Variants in PRICKLE1 observed in about 807,000 individuals in gnomAD.
PRICKLE1 encodes the protein prickle planar cell polarity protein 1, also known as prickle-like protein 1.
A neutral mutation model predicts 70.2 loss-of-function variants in PRICKLE1; 14 were observed. The observed-to-expected ratio is 0.20, with a 90% CI of 0.13 to 0.31. The LOEUF is 0.31. Among genes scored for constraint, PRICKLE1 ranks in the 10% least tolerant of loss-of-function variants. The pLI is 1.00. For synonymous variants in PRICKLE1, 357 were observed against 379.9 expected (o/e 0.94, Z 0.70); for missense variants, 821 against 1,026.2 (o/e 0.80, Z 2.73).
At chr12:42,555,184 A>T (rs1218145619) in intron 1 of PRICKLE1, among the ~76,000 whole-genome samples, 1 of 152,096 alleles carries the variant, frequency 6.6e-6, no homozygotes, top group Non-Finnish European at 1.5e-5. Context: ...CACGCCTGTA[A>T]TCCCAGTTAC....
At chr12:42,524,987 T>C (rs1939777609) in intron 1 of PRICKLE1, 1 of 152,192 alleles carries the variant, frequency 6.6e-6, no homozygotes, top group South Asian at 2.1e-4. Flanking sequence ...CTTTTTTGTA[T>C]GCTAATGAGA....
At chr12:42,480,539 A>G (rs1352619958) in intron 1 of PRICKLE1, among the ~76,000 whole-genome samples, 1 of 152,246 alleles carries the variant, frequency 6.6e-6, no homozygotes, top group East Asian at 1.9e-4. Context: ...TATTCAAACT[A>G]AAGAGAAGGT....
chr12:42,462,210 A>AT (rs904097988), intron 7 of PRICKLE1, among the ~76,000 whole-genome samples: 5 of 147,370 alleles, frequency 3.4e-5, no homozygotes, highest in African/African-American at 1.0e-4. Context: ...TCTTTTATTT[A>AT]TTTTTTTTGA....
chr12:42,482,077 C>T (rs1938812102), intron 1 of PRICKLE1, among the ~76,000 whole-genome samples: 1 of 152,254 alleles, frequency 6.6e-6, no homozygotes, highest in Non-Finnish European at 1.5e-5. Flanking sequence ...AGGTAAACCT[C>T]CGTCCAGCAT....
chr12:42,526,597 C>G (rs1017900923), intron 1 of PRICKLE1, among the ~76,000 whole-genome samples: 17 of 151,856 alleles, frequency 1.1e-4, no homozygotes, highest in Non-Finnish European at 2.2e-4. Context: ...GATAGAGAGT[C>G]CTGGAGGAGC....
intron 1 of PRICKLE1, 77 bp from the exon 2 acceptor site, chr12:42,472,641 T>C (rs1197765685): frequency 9.8e-6 from 12 of 1,219,848 alleles, no homozygotes; most frequent in African/African-American, 1.5e-5. Context: ...AGAGCTTTTA[T>C]TGAATGCTGT....
intron 1 of PRICKLE1, among the ~76,000 whole-genome samples, chr12:42,552,059 C>CTTTTTTTTTTTTTTTTTTTTTTTTTTT (rs201217516): frequency 7.7e-6 from 1 of 129,250 alleles, no homozygotes. Flanking sequence ...AAGAAAGTTA[C>CTTTTTTTTTTTTTTTTTTTTTTTTTTT]TTTTTTTTTT....
intron 1 of PRICKLE1, among the ~76,000 whole-genome samples, chr12:42,536,785 T>C (rs956621630): frequency 6.6e-6 from 1 of 152,172 alleles, no homozygotes; most frequent in African/African-American, 2.4e-5. Context: ...CCTCTTCCCA[T>C]CCCTCTTGTC....
intron 1 of PRICKLE1, among the ~76,000 whole-genome samples, chr12:42,506,253 TTCTTTC>T (rs776860391): frequency 0.18 from 11,917 of 65,342 alleles, 1,102 homozygotes; most frequent in African/African-American, 0.33. Flanking sequence ...TCTTTTTTCT[TTCTTTC>T]TTTTTTTTTT....
At chr12:42,517,608 G>C (rs774875108) in intron 1 of PRICKLE1, among the ~76,000 whole-genome samples, 1 of 151,924 alleles carries the variant, frequency 6.6e-6, no homozygotes, top group Non-Finnish European at 1.5e-5. Flanking sequence ...CACCGCACCT[G>C]GCCCAGTCTG....
chr12:42,588,573 T>C (rs1941021957), intron 1 of PRICKLE1, among the ~76,000 whole-genome samples: 1 of 151,902 alleles, frequency 6.6e-6, no homozygotes, highest in Non-Finnish European at 1.5e-5. Flanking sequence ...ATGGTCTCAG[T>C]TCTGCCGCTG....
At chr12:42,570,572 C>A (rs1299935463) in intron 1 of PRICKLE1, among the ~76,000 whole-genome samples, 1 of 152,210 alleles carries the variant, frequency 6.6e-6, no homozygotes, top group African/African-American at 2.4e-5. Flanking sequence ...GTAATCCCAG[C>A]ACTTTGGGAG....
intron 1 of PRICKLE1, among the ~76,000 whole-genome samples, chr12:42,554,589 C>T (rs1566124534): frequency 6.6e-6 from 1 of 152,132 alleles, no homozygotes; most frequent in African/African-American, 2.4e-5. Flanking sequence ...ACTCAAAGGG[C>T]GAACTGGAAA....
chr12:42,499,425 G>C (rs1351549116), intron 1 of PRICKLE1, among the ~76,000 whole-genome samples: 2 of 146,496 alleles, frequency 1.4e-5, no homozygotes, highest in South Asian at 4.4e-4. Flanking sequence ...AATAAATCTA[G>C]AATTTTTTTT....
chr12:42,472,345 T>C, intron 2 of PRICKLE1, 40 bp downstream of exon 2: 1 of 1,612,594 alleles, frequency 6.2e-7, no homozygotes, highest in Non-Finnish European at 8.5e-7. Flanking sequence ...GAACTCACAC[T>C]GAAAAACAAA....
intron 1 of PRICKLE1, among the ~76,000 whole-genome samples, chr12:42,489,520 G>C (rs141204667): frequency 3.3e-5 from 5 of 151,068 alleles, no homozygotes; most frequent in African/African-American, 1.2e-4. Flanking sequence ...AATTAGCCGG[G>C]CATGGTGGCA....
chr12:42,477,050 C>T (rs752258793), intron 1 of PRICKLE1, among the ~76,000 whole-genome samples: 4 of 152,044 alleles, frequency 2.6e-5, no homozygotes, highest in Non-Finnish European at 5.9e-5. Flanking sequence ...AAACACAGTT[C>T]TTACGCTTGT....
chr12:42,515,396 C>A (rs779225506), intron 1 of PRICKLE1, among the ~76,000 whole-genome samples: 1 of 152,086 alleles, frequency 6.6e-6, no homozygotes, highest in East Asian at 1.9e-4. Context: ...TCTGCCACCA[C>A]GCCCGACTAA....
intron 2 of PRICKLE1, 98 bp downstream of exon 2, chr12:42,472,287 G>T: frequency 7.5e-7 from 1 of 1,329,628 alleles, no homozygotes; most frequent in Non-Finnish European, 1.1e-6. Flanking sequence ...TGGTATTCCA[G>T]CATCTCAGTG....
Sources: allele counts gnomAD v4.1 joint callset (sites outside exome capture counted in the v4.1 genomes callset), GRCh38; gene constraint gnomAD v4.1.1; transcripts MANE v1.5; gene names NCBI Gene and HGNC (gene_info 2026-07-23, HGNC 2026-07-21).